Variants in ABHD6 observed in about 807,000 individuals in gnomAD.
The protein encoded by ABHD6 is monoacylglycerol lipase ABHD6.
Under a neutral mutation model 38.8 loss-of-function variants are expected in ABHD6, and 33 were observed. The observed-to-expected ratio is 0.85, with a 90% CI of 0.64 to 1.14. ABHD6 has a LOEUF of 1.14. ABHD6 is among the 50% of genes most tolerant of loss of function. The pLI is 0.00. For synonymous variants in ABHD6, 147 were observed against 161.6 expected (o/e 0.91, Z 0.69); for missense variants, 380 against 422.6 (o/e 0.90, Z 0.88).
intron 7 of ABHD6, among the ~76,000 whole-genome samples, chr3:58,281,907 G>C (rs1391840761): frequency 6.6e-6 from 1 of 152,094 alleles, no homozygotes; most frequent in Non-Finnish European, 1.5e-5. Context: ...CTTGAGACTA[G>C]GAGTTCAAGA....
chr3:58,286,235 G>A (rs1217108529), intron 9 of ABHD6, among the ~76,000 whole-genome samples: 7 of 152,052 alleles, frequency 4.6e-5, no homozygotes, highest in African/African-American at 1.7e-4. Context: ...TAGCCAGGAT[G>A]GTCTCGATCT....
chr3:58,271,280 G>A (rs2097444679), intron 6 of ABHD6, among the ~76,000 whole-genome samples: 1 of 151,156 alleles, frequency 6.6e-6, no homozygotes, highest in South Asian at 2.1e-4. Context: ...GTTACACCAA[G>A]AATTTGAGGT....
chr3:58,259,003 A>G lies in ABHD6; in HGVS notation c.119+2298A>G, dbSNP rs1297550787. ...CTAAGGCTCCTGGATGACCCCTGAC[A>G]TGGAGAAGGCAGAGTTGCGTGCCCC... On this transcript the variant is annotated intron_variant, in intron 3 of 9. Coordinates refer to ENST00000478253, the MANE Select transcript of ABHD6 (RefSeq NM_001320126.2). This position sits in a 1 kb window ranked among gnomAD's most constrained non-coding sequence, Gnocchi z 4.7. Among the ~76,000 whole-genome samples, 23 of 152,188 alleles carry G rather than the reference A, an allele frequency of 1.5e-4. No homozygotes were observed. Among genetic ancestry groups the G allele is most frequent in the Admixed American group, 1.5e-3 (23 of 15,282 alleles).
At chr3:58,286,850 GTGTATATATA>G (rs1398247563) in intron 9 of ABHD6, among the ~76,000 whole-genome samples, 1 of 72,844 alleles carries the variant, frequency 1.4e-5, no homozygotes, top group Non-Finnish European at 2.6e-5. Flanking sequence ...GTGTGTGTGT[GTGTATATATA>G]TATATATATG....
chr3:58,252,524 A>C (rs1185822924), intron 2 of ABHD6, among the ~76,000 whole-genome samples: 2 of 152,016 alleles, frequency 1.3e-5, no homozygotes, highest in African/African-American at 4.8e-5. Flanking sequence ...GTGGTTTAAC[A>C]CCACCACACT....
intron 6 of ABHD6, among the ~76,000 whole-genome samples, chr3:58,271,643 G>T (rs866858020): frequency 2.6e-5 from 4 of 151,568 alleles, no homozygotes; most frequent in African/African-American, 9.7e-5. Context: ...CATGTTCTCC[G>T]ATATTACCGT....
chr3:58,281,844 G>A (rs546612652), intron 7 of ABHD6, among the ~76,000 whole-genome samples: 10 of 152,242 alleles, frequency 6.6e-5, no homozygotes, highest in South Asian at 4.2e-4. Flanking sequence ...GGCCGGGTGC[G>A]GTGGTTCATG....
At chr3:58,271,216 G>T in intron 6 of ABHD6, 152 bp downstream of exon 6, 1 of 845,182 alleles carries the variant, frequency 1.2e-6, no homozygotes, top group Non-Finnish European at 1.7e-6. Flanking sequence ...CCAACCAATA[G>T]TTATATAATC....
intron 1 of ABHD6, among the ~76,000 whole-genome samples, chr3:58,242,032 A>G (rs2097423204): frequency 6.6e-6 from 1 of 152,146 alleles, no homozygotes; most frequent in Admixed American, 6.5e-5. Context: ...ATTTACAGAG[A>G]GCGGCAGTGC....
rs538869999 is a variant in ABHD6, at chr3:58,261,643, C to T, written c.119+4938C>T. Reference sequence around the variant, plus strand: ...GATTACAGTTGTGAGCCACCATGCCCGGCCTGGTTCTTTCTTTTTATTGTG... The same window carrying T: ...GATTACAGTTGTGAGCCACCATGCCTGGCCTGGTTCTTTCTTTTTATTGTG... On this transcript the variant is annotated intron_variant, in intron 3 of 9. Coordinates refer to ENST00000478253, the MANE Select transcript of ABHD6 (RefSeq NM_001320126.2). Among the ~76,000 whole-genome samples, 158 of 152,278 alleles carry T rather than the reference C, an allele frequency of 1.0e-3. 1 individual carries two copies. The highest frequency in any genetic ancestry group is 3.3e-3 in the African/African-American group (137 of 41,558).
At chr3:58,289,238 T>A (rs6769780) in intron 9 of ABHD6, among the ~76,000 whole-genome samples, 3 of 147,208 alleles carry the variant, frequency 2.0e-5, no homozygotes, top group Non-Finnish European at 4.5e-5. Flanking sequence ...ATTTTTTTTA[T>A]TTTTTTATTT....
rs1395453731 is a variant in ABHD6, at chr3:58,265,377, A to C, written c.120-1812A>C. ...TCAATTTGTAAGCTTTTTATTTATT[A>C]AGGATATCATTCTGCAGCTGTCATA... On this transcript the variant is annotated intron_variant, in intron 3 of 9. Transcript: ENST00000478253. The surrounding 1 kb of genome is among the most constrained non-coding windows in gnomAD (Gnocchi z 4.2). Among the ~76,000 whole-genome samples the C allele has an allele frequency of 6.6e-6, 1 of 152,186 alleles. No individual in the cohort carries two copies. Among genetic ancestry groups the C allele is most frequent in the Non-Finnish European group, 1.5e-5 (1 of 68,032 alleles).
chr3:58,285,295 C>T lies in ABHD6; in HGVS notation c.737-58C>T, dbSNP rs9821719. 27 of 1,562,422 alleles carry T rather than the reference C, an allele frequency of 1.7e-5. No homozygotes were observed. The highest frequency in any genetic ancestry group is 6.8e-5 in the African/African-American group (5 of 73,820). ...ATCTGGTGACTATCCCTTGATTCTG[C>T]GGTGGTGCCACAGGCACAGTCCAGC... On this transcript the variant is annotated intron_variant, in intron 8 of 9. Transcript: ENST00000478253. This position sits in a 1 kb window ranked among gnomAD's most constrained non-coding sequence, Gnocchi z 4.9.
Position 58,269,381 on chromosome 3 carries a change from C to G in ABHD6, c.337C>G (p.Arg113Gly). The G allele has an allele frequency of 6.2e-7, 1 of 1,613,948 alleles. No individual in the cohort carries two copies. Among genetic ancestry groups the G allele is most frequent in the Non-Finnish European group, 8.5e-7 (1 of 1,179,862 alleles). ...VDMPGHEGTT[R>G]SSLDDLSIDG... ...CATGCCAGGACATGAGGGCACCACC[C>G]GCTCCTCCCTGGATGACCTGTCCAT... Residue 113 changes from arginine (R) to glycine (G), a missense_variant, in exon 5 of 10, where the codon CGC (arginine) becomes GGC (glycine). By Grantham distance (125) the Arg-to-Gly change is moderately radical (BLOSUM62 -2). Coordinates refer to ENST00000478253, the MANE Select transcript of ABHD6 (RefSeq NM_001320126.2). This position sits in a 1 kb window ranked among gnomAD's most constrained non-coding sequence, Gnocchi z 4.4.
chr3:58,267,348 G>A lies in ABHD6; in HGVS notation c.276+3G>A. On this transcript the variant is annotated splice_donor_region_variant and intron_variant, in intron 4 of 9. Coordinates refer to ENST00000478253, the MANE Select transcript of ABHD6 (RefSeq NM_001320126.2). This position sits in a 1 kb window ranked among gnomAD's most constrained non-coding sequence, Gnocchi z 4.3. ...ATATGTGGCTCAGTGTGGTCAAGGT[G>A]CAATTCTCGATTCTTCTCTCTTATA... 6.2e-7 allele frequency: 1 copy of A among 1,613,990 alleles called. No homozygotes were observed. The highest frequency in any genetic ancestry group is 8.5e-7 in the Non-Finnish European group (1 of 1,179,960).
At chr3:58,249,208 G>A (rs1219348786) in intron 1 of ABHD6, among the ~76,000 whole-genome samples, 1 of 152,130 alleles carries the variant, frequency 6.6e-6, no homozygotes, top group East Asian at 1.9e-4. Context: ...ATGGCCTCTG[G>A]ATGTTAGACA....
rs914255596 is a variant in ABHD6, at chr3:58,287,380, A to G, written c.837+1927A>G. ...TGGCAGGAGGTCACACTGTGGCCAC[A>G]AAGACCCACAAGTGCATGAATGACC... is the stretch of plus-strand genomic sequence containing the variant. On this transcript the variant is annotated intron_variant, in intron 9 of 9. Coordinates refer to ENST00000478253, the MANE Select transcript of ABHD6 (RefSeq NM_001320126.2). This position sits in a 1 kb window ranked among gnomAD's most constrained non-coding sequence, Gnocchi z 4.7. 6.6e-6 allele frequency among the ~76,000 whole-genome samples: 1 copy of G among 152,054 alleles called. No individual in the cohort carries two copies. The highest frequency in any genetic ancestry group is 1.5e-5 in the Non-Finnish European group (1 of 67,892).
rs2097458505 is a variant in ABHD6, at chr3:58,287,653, G to T, written c.837+2200G>T. Among the ~76,000 whole-genome samples the T allele has an allele frequency of 6.6e-6, 1 of 152,200 alleles. No individual in the cohort carries two copies. Among genetic ancestry groups the T allele is most frequent in the Admixed American group, 6.5e-5 (1 of 15,282 alleles). On this transcript the variant is annotated intron_variant, in intron 9 of 9. Coordinates refer to ENST00000478253, the MANE Select transcript of ABHD6 (RefSeq NM_001320126.2). The surrounding 1 kb of genome is among the most constrained non-coding windows in gnomAD (Gnocchi z 4.7). ...AGGAATCAGAGCCTGAGCAGCGAAG[G>T]CCTTCTGTTGTTCTAAAAACCCCAA...
chr3:58,248,307 A>G (rs1259434118), intron 1 of ABHD6, among the ~76,000 whole-genome samples: 1 of 152,184 alleles, frequency 6.6e-6, no homozygotes, highest in Non-Finnish European at 1.5e-5. Flanking sequence ...AAGCGTGTAA[A>G]TTATTTCCAA....
Sources: allele counts gnomAD v4.1 joint callset (sites outside exome capture counted in the v4.1 genomes callset), GRCh38; gene constraint gnomAD v4.1.1; non-coding constraint Gnocchi (gnomAD v3.1); transcripts MANE v1.5; gene names NCBI Gene and HGNC (gene_info 2026-07-23, HGNC 2026-07-21).